ENTREP2: variants seen among roughly 807,000 people sequenced by gnomAD.
ENTREP2 encodes the protein endosomal transmembrane epsin interactor 2.
the ENTREP2 span, among the ~76,000 whole-genome samples, chr15:29,465,007 G>C: frequency 1.1e-3 from 171 of 152,148 alleles, no homozygotes; most frequent in African/African-American, 3.8e-3. Flanking sequence ...ATGAGCTGTA[G>C]GACACAGTGG....
chr15:29,615,035 C>T, the ENTREP2 span, among the ~76,000 whole-genome samples: 2 of 152,198 alleles, frequency 1.3e-5, no homozygotes, highest in Non-Finnish European at 2.9e-5. Flanking sequence ...CTCCAATTCT[C>T]AGGTTCAGGG....
At chr15:29,119,643 T>TA in the ENTREP2 span, among the ~76,000 whole-genome samples, 19 of 2,326 alleles carry the variant, frequency 8.2e-3, 5 homozygotes, top group African/African-American at 0.01. Context: ...TAAAATAAAA[T>TA]AAAATAATAA....
At chr15:29,539,370 G>A in the ENTREP2 span, among the ~76,000 whole-genome samples, 3 of 152,168 alleles carry the variant, frequency 2.0e-5, no homozygotes, top group South Asian at 2.1e-4. Context: ...TGTTGCCCCC[G>A]CCTTTTGTTT....
the ENTREP2 span, among the ~76,000 whole-genome samples, chr15:29,600,439 C>CCACCATCAT: frequency 3.5e-3 from 491 of 141,792 alleles, 2 homozygotes; most frequent in African/African-American, 0.013. Context: ...TTCTCTCCCA[C>CCACCATCAT]CATCATCATC....
At chr15:29,651,916 G>A in the ENTREP2 span, among the ~76,000 whole-genome samples, 1 of 152,176 alleles carries the variant, frequency 6.6e-6, no homozygotes, top group African/African-American at 2.4e-5. Flanking sequence ...CAGGGGGTGG[G>A]TCCCCAGTGA....
At chr15:29,388,531 G>C in the ENTREP2 span, among the ~76,000 whole-genome samples, 1 of 152,188 alleles carries the variant, frequency 6.6e-6, no homozygotes, top group South Asian at 2.1e-4. Context: ...CTGTAAACTA[G>C]TTCAACCATT....
the ENTREP2 span, among the ~76,000 whole-genome samples, chr15:29,129,968 G>T: frequency 2.0e-5 from 3 of 152,280 alleles, no homozygotes; most frequent in Admixed American, 2.0e-4. Context: ...GAAGGTGAGG[G>T]GGGCTCCTGC....
the ENTREP2 span, among the ~76,000 whole-genome samples, chr15:29,593,141 C>T: frequency 7.7e-3 from 1,178 of 152,320 alleles, 11 homozygotes; most frequent in African/African-American, 0.027. Context: ...CTTACTAGCA[C>T]TGCTCTAGAA....
the ENTREP2 span, chr15:29,136,445 A>C: frequency 1.3e-6 from 2 of 1,547,606 alleles, no homozygotes; most frequent in Non-Finnish European, 1.7e-6. Flanking sequence ...GGGGCTATTG[A>C]TGGCCACGTC....
the ENTREP2 span, among the ~76,000 whole-genome samples, chr15:29,439,461 A>G: frequency 6.3e-4 from 96 of 152,330 alleles, no homozygotes; most frequent in African/African-American, 2.3e-3. Context: ...ACAGGAGTCC[A>G]TATTAATGTC....
the ENTREP2 span, among the ~76,000 whole-genome samples, chr15:29,655,763 C>G: frequency 1.3e-5 from 2 of 152,174 alleles, no homozygotes; most frequent in Non-Finnish European, 2.9e-5. Context: ...CAGTGGCCCA[C>G]ACCTGTAATC....
At chr15:29,486,668 C>T in the ENTREP2 span, among the ~76,000 whole-genome samples, 2 of 152,176 alleles carry the variant, frequency 1.3e-5, no homozygotes, top group African/African-American at 4.8e-5. Context: ...CCAGCCTGGG[C>T]GGCAGAGCGA....
the ENTREP2 span, among the ~76,000 whole-genome samples, chr15:29,593,419 C>G: frequency 1.3e-5 from 2 of 152,124 alleles, no homozygotes; most frequent in Admixed American, 1.3e-4. Flanking sequence ...CGTGACAACT[C>G]CCCCACCAGT....
At chr15:29,140,267 A>G in the ENTREP2 span, among the ~76,000 whole-genome samples, 108 of 152,270 alleles carry the variant, frequency 7.1e-4, no homozygotes, top group African/African-American at 2.5e-3. Flanking sequence ...CCGTCTCACA[A>G]TCGCACACAG....
At chr15:29,501,950 G>GA in the ENTREP2 span, among the ~76,000 whole-genome samples, 2 of 151,838 alleles carry the variant, frequency 1.3e-5, no homozygotes, top group African/African-American at 2.4e-5. Flanking sequence ...AAAATATTCA[G>GA]AAAAAATCTA....
the ENTREP2 span, among the ~76,000 whole-genome samples, chr15:29,303,499 A>G: frequency 1.5e-4 from 23 of 151,588 alleles, no homozygotes; most frequent in Non-Finnish European, 2.9e-4. Flanking sequence ...GACACATGTT[A>G]TAGGGGTACT....
chr15:29,266,136 G>A, the ENTREP2 span: 1 of 152,214 alleles, frequency 6.6e-6, no homozygotes. Context: ...ATAGAAATAG[G>A]TCTAAGACAT....
At chr15:29,490,651 C>T in the ENTREP2 span, among the ~76,000 whole-genome samples, 1 of 152,222 alleles carries the variant, frequency 6.6e-6, no homozygotes, top group African/African-American at 2.4e-5. Flanking sequence ...TGTAAAAGTT[C>T]TCCAAGTCCC....
chr15:29,415,301 C>A, the ENTREP2 span, among the ~76,000 whole-genome samples: 1 of 152,164 alleles, frequency 6.6e-6, no homozygotes, highest in Non-Finnish European at 1.5e-5. Flanking sequence ...AGCTTATCCA[C>A]CATGATCAAG....
Sources: allele counts gnomAD v4.1 joint callset (sites outside exome capture counted in the v4.1 genomes callset), GRCh38; gene constraint gnomAD v4.1.1; transcripts MANE v1.5; gene names NCBI Gene and HGNC (gene_info 2026-07-23, HGNC 2026-07-21).